Variants in MYPN observed in about 807,000 individuals in gnomAD.
MYPN encodes myopalladin.
In MYPN, 63 loss-of-function variants were observed where a neutral mutation model predicts 129.4. The ratio of observed to expected loss-of-function variants is 0.49; its 90% CI spans 0.40 to 0.60. MYPN has a LOEUF of 0.60. Ranked by LOEUF, MYPN falls within the 20% of genes least tolerant of loss-of-function variation. MYPN has a pLI of 0.00. For missense variants in MYPN, 1,596 were observed against 1,635.4 expected (o/e 0.98, Z 0.42); for synonymous variants, 629 against 600.9 (o/e 1.05, Z -0.68).
At chr10:68,110,197 T>C (rs987949858) in intron 1 of MYPN, among the ~76,000 whole-genome samples, 1 of 152,214 alleles carries the variant, frequency 6.6e-6, no homozygotes, top group Non-Finnish European at 1.5e-5. Context: ...CCTGGATTAA[T>C]GTACACAACA....
intron 1 of MYPN, among the ~76,000 whole-genome samples, chr10:68,110,731 GA>G (rs1214905852): frequency 8.1e-4 from 123 of 152,186 alleles, no homozygotes; most frequent in African/African-American, 2.9e-3. Context: ...AGGAAATTGA[GA>G]ATGTCTATAC....
At chr10:68,199,347 A>C (rs762714859) in intron 16 of MYPN, 21 bp from the exon 17 acceptor site, 1 of 1,611,892 alleles carries the variant, frequency 6.2e-7, no homozygotes, top group African/African-American at 1.3e-5. Context: ...CATGTGCCTC[A>C]GCTGTTCTGT....
At chr10:68,201,518 G>A (rs994062987) in intron 17 of MYPN, among the ~76,000 whole-genome samples, 4 of 152,200 alleles carry the variant, frequency 2.6e-5, no homozygotes, top group Admixed American at 2.0e-4. Context: ...TGTAACCCCA[G>A]CACTTTGGGA....
intron 17 of MYPN, among the ~76,000 whole-genome samples, chr10:68,201,322 A>T (rs2043706710): frequency 6.6e-6 from 1 of 152,156 alleles, no homozygotes; most frequent in Non-Finnish European, 1.5e-5. Context: ...TAAACCATTT[A>T]TGAAGCTTTT....
intron 10 of MYPN, among the ~76,000 whole-genome samples, chr10:68,167,357 GA>G (rs2043070974): frequency 6.6e-6 from 1 of 152,082 alleles, no homozygotes; most frequent in African/African-American, 2.4e-5. Flanking sequence ...AGTCATTATG[GA>G]AAAACTATTT....
At chr10:68,168,034 G>A (rs2043081323) in intron 10 of MYPN, among the ~76,000 whole-genome samples, 1 of 152,172 alleles carries the variant, frequency 6.6e-6, no homozygotes, top group Non-Finnish European at 1.5e-5. Flanking sequence ...CTCTGTCTAC[G>A]TGAGCATCTC....
intron 13 of MYPN, among the ~76,000 whole-genome samples, chr10:68,190,172 A>G (rs2043488935): frequency 6.6e-6 from 1 of 151,322 alleles, no homozygotes; most frequent in African/African-American, 2.4e-5. Context: ...GTTTTGAGAA[A>G]TGTCTATTCA....
chr10:68,174,087 G>T lies in MYPN; in HGVS notation c.1995G>T (p.Gln665His). ...KPKLDSTQLQ[Q>H]LHNQVLLEQH... is the part of the protein sequence containing the mutation. The stretch of plus-strand genomic sequence containing the variant: ...ACAGTGATTCCACTCAGTTACAACA[G>T]CTTCATAACCAAGTCTTACTGGAAC... Residue 665 changes from glutamine to histidine, a missense_variant, in exon 11 of 20, where the codon CAG (glutamine) becomes CAT (histidine). Transcript: ENST00000358913. 1.2e-6 allele frequency: 2 copies of T among 1,613,862 alleles called. No individual in the cohort carries two copies. Among genetic ancestry groups the T allele is most frequent in the Non-Finnish European group, 8.5e-7 (1 of 1,179,838 alleles).
intron 1 of MYPN, among the ~76,000 whole-genome samples, chr10:68,092,388 G>A (rs1349572559): frequency 6.6e-6 from 1 of 151,996 alleles, no homozygotes; most frequent in South Asian, 2.1e-4. Context: ...CCAGCTACTC[G>A]GGAGGCTGAG....
intron 3 of MYPN, 151 bp downstream of exon 3, chr10:68,143,266 A>C (rs184901871): frequency 1.5e-6 from 1 of 686,002 alleles, no homozygotes; most frequent in Admixed American, 2.6e-5. Flanking sequence ...ACTTAGGCTC[A>C]TTTACTGATA....
rs59317396 is a variant in MYPN at position 68,169,181 on chromosome 10, T to TAAAAA, written c.1973+2538_1973+2542dup. ...TAACACGGTGAAACTCCGTCTCTAC[T>TAAAAA]AAAAAAAAAAAAAAAAAAAAAAAAA... On this transcript the variant is annotated intron_variant, in intron 10 of 19. Transcript: ENST00000358913. 2.2e-3 allele frequency among the ~76,000 whole-genome samples: 197 copies of TAAAAA among 91,062 alleles called. 2 individuals are homozygous for TAAAAA. Among genetic ancestry groups the TAAAAA allele is most frequent in the African/African-American group, 0.012 (182 of 14,908 alleles). The allele number at this position is 91,062 out of a possible 152,430, so 59.7% of individuals were successfully genotyped here.
At chr10:68,139,690 C>A (rs2042544253) in intron 2 of MYPN, among the ~76,000 whole-genome samples, 1 of 152,166 alleles carries the variant, frequency 6.6e-6, no homozygotes, top group African/African-American at 2.4e-5. Context: ...TCTGCTGCTG[C>A]CACAACAGAA....
intron 7 of MYPN, among the ~76,000 whole-genome samples, chr10:68,159,658 T>C (rs555514695): frequency 5.3e-5 from 8 of 150,146 alleles, no homozygotes; most frequent in Non-Finnish European, 1.2e-4. Context: ...ACTTGCTTTT[T>C]AAAAATATGT....
In MYPN at chr10:68,166,568, C is replaced by T. The variant is rs2673793; in HGVS notation, c.1875C>T (p.Pro625=). 0.18 allele frequency: 285,881 copies of T among 1,613,890 alleles called. 26,627 individuals are homozygous for T. Among genetic ancestry groups the T allele is most frequent in the Admixed American group, 0.24 (14,262 of 59,984 alleles). ...TGGTGACCACCAGACAGACCAGGCC[C>T]GATTCTTTCCAGGAGAGGTTCAACG... ...AGVVTTRQTR[P]DSFQERFNGQ... is the part of the protein sequence containing the mutation. The change falls in exon 10 of 20, where the codon CCC becomes CCT. Residue 625 remains proline (P), a synonymous_variant. Coordinates refer to ENST00000358913, the MANE Select transcript of MYPN (RefSeq NM_032578.4).
At position 68,194,158 on chromosome 10, in the gene MYPN, T is replaced by C. The variant is rs185065704; in HGVS notation, c.2926-205T>C. On this transcript the variant is annotated intron_variant, in intron 13 of 19. Transcript: ENST00000358913. ...TTCTTGACTTAAATAATATAATATT[T>C]AATATTAAATAGTATTATACAGGTA... Among the ~76,000 whole-genome samples the C allele has an allele frequency of 3.8e-3, 582 of 152,160 alleles. 1 individual carries two copies. Among genetic ancestry groups the C allele is most frequent in the Non-Finnish European group, 6.4e-3 (433 of 68,022 alleles).
intron 1 of MYPN, among the ~76,000 whole-genome samples, chr10:68,117,066 A>C (rs1458424765): frequency 1.3e-5 from 2 of 151,950 alleles, no homozygotes; most frequent in East Asian, 3.9e-4. Flanking sequence ...TCTACTAAAA[A>C]TACAAAAATT....
intron 3 of MYPN, 38 bp from the exon 4 acceptor site, chr10:68,145,437 C>T: frequency 3.9e-6 from 6 of 1,551,492 alleles, no homozygotes; most frequent in Non-Finnish European, 5.3e-6. Flanking sequence ...AAGAAATTGT[C>T]ATCTTAACAA....
At chr10:68,177,033 T>G (rs1047101903) in intron 12 of MYPN, among the ~76,000 whole-genome samples, 89 of 152,224 alleles carry the variant, frequency 5.8e-4, no homozygotes, top group African/African-American at 2.1e-3. Flanking sequence ...GAGAGAGCAA[T>G]TAGAGCCTTG....
chr10:68,106,643 T>A, upstream of MYPN: 1 of 707,980 alleles, frequency 1.4e-6, no homozygotes, highest in Non-Finnish European at 2.6e-6. Context: ...TAATTTGTTT[T>A]AGAGAACTGG....
Sources: gnomAD v4.1 joint callset for allele counts (sites outside exome capture counted in the v4.1 genomes callset) on GRCh38, gnomAD v4.1.1 for gene constraint, MANE v1.5 for transcripts, NCBI Gene and HGNC (gene_info 2026-07-23, HGNC 2026-07-21) for gene names.